DPP6: variants seen among roughly 807,000 people sequenced by gnomAD.
DPP6 encodes A-type potassium channel modulatory protein DPP6.
A neutral mutation model predicts 122.6 loss-of-function variants in DPP6; 69 were observed. The ratio of observed to expected loss-of-function variants is 0.56; its 90% CI spans 0.46 to 0.69. The LOEUF (loss-of-function observed/expected upper bound fraction) is 0.69, where lower values mean the gene tolerates loss of function less well. DPP6 is among the 30% of genes least tolerant of loss of function. The probability of loss-of-function intolerance (pLI) is 0.00; values close to 1 mark genes in which losing one functional copy is unlikely to be tolerated. For missense variants in DPP6, 928 were observed against 1,116.9 expected (o/e 0.83, Z 2.41); for synonymous variants, 418 against 433.1 (o/e 0.97, Z 0.43).
the DPP6 span, among the ~76,000 whole-genome samples, chr7:153,799,307 A>C: frequency 1.3e-5 from 2 of 152,342 alleles, no homozygotes; most frequent in South Asian, 2.1e-4. Flanking sequence ...TTATGGAACT[A>C]GTCAGCCATA....
intron 8 of DPP6, among the ~76,000 whole-genome samples, chr7:154,734,739 T>C (rs1842497229): frequency 6.6e-6 from 1 of 152,246 alleles, no homozygotes; most frequent in South Asian, 2.1e-4. Flanking sequence ...GTAGTGATGA[T>C]GCCTGTGTTT....
intron 1 of DPP6, among the ~76,000 whole-genome samples, chr7:154,385,033 C>T (rs1035448573): frequency 2.6e-5 from 4 of 151,966 alleles, no homozygotes; most frequent in Admixed American, 1.3e-4. Context: ...TGCAGTGGTG[C>T]GATCTCGGCT....
intron 4 of DPP6, among the ~76,000 whole-genome samples, chr7:154,561,942 G>A (rs771524008): frequency 7.2e-5 from 11 of 152,230 alleles, no homozygotes; most frequent in Non-Finnish European, 1.5e-4. Context: ...AATTGAATTC[G>A]TAGTTTAAAA....
chr7:154,157,216 G>T (rs1796729096), intron 1 of DPP6, among the ~76,000 whole-genome samples: 1 of 152,352 alleles, frequency 6.6e-6, no homozygotes, highest in South Asian at 2.1e-4. Flanking sequence ...TAAAATTTCA[G>T]AGCCAAGAGA....
chr7:153,919,169 G>A (rs1297668067), intron 1 of DPP6, among the ~76,000 whole-genome samples: 1 of 152,058 alleles, frequency 6.6e-6, no homozygotes. Flanking sequence ...TTTGTAATTG[G>A]TGAGAAAGCA....
intron 16 of DPP6, among the ~76,000 whole-genome samples, chr7:154,814,520 A>G (rs931665637): frequency 3.3e-5 from 5 of 152,196 alleles, no homozygotes; most frequent in Admixed American, 2.6e-4. Flanking sequence ...GGACAGGGGA[A>G]GGCTGGGTGG....
chr7:154,338,208 C>G (rs1809603159), intron 1 of DPP6, among the ~76,000 whole-genome samples: 1 of 152,144 alleles, frequency 6.6e-6, no homozygotes, highest in Admixed American at 6.5e-5. Flanking sequence ...GACTGTCACT[C>G]CAAATTGGAC....
At chr7:154,142,855 A>G (rs566013226) in intron 1 of DPP6, among the ~76,000 whole-genome samples, 1 of 140,798 alleles carries the variant, frequency 7.1e-6, no homozygotes, top group African/African-American at 2.7e-5. Context: ...GTTGTCTCTA[A>G]AAAGGATCTG....
chr7:153,848,854 T>A, the DPP6 span, among the ~76,000 whole-genome samples: 4 of 152,298 alleles, frequency 2.6e-5, no homozygotes, highest in South Asian at 2.1e-4. Context: ...GGCTCAGGAG[T>A]TTTGATAGTC....
the DPP6 span, among the ~76,000 whole-genome samples, chr7:153,857,816 C>A: frequency 6.6e-6 from 1 of 152,142 alleles, no homozygotes; most frequent in Non-Finnish European, 1.5e-5. Context: ...AGTGCTAAAA[C>A]CTCTTTAAGA....
At chr7:154,839,103 T>G (rs141802791) in intron 16 of DPP6, among the ~76,000 whole-genome samples, 1 of 152,108 alleles carries the variant, frequency 6.6e-6, no homozygotes, top group African/African-American at 2.4e-5. Flanking sequence ...GAAATACAGA[T>G]AAGAATGCAA....
chr7:153,916,845 T>C (rs1800349976), intron 1 of DPP6, among the ~76,000 whole-genome samples: 1 of 152,244 alleles, frequency 6.6e-6, no homozygotes, highest in Non-Finnish European at 1.5e-5. Flanking sequence ...TGTGTGTATT[T>C]TAAAGAAGAA....
intron 5 of DPP6, among the ~76,000 whole-genome samples, chr7:154,637,145 T>C (rs991597836): frequency 2.0e-5 from 3 of 152,166 alleles, no homozygotes; most frequent in Non-Finnish European, 2.9e-5. Flanking sequence ...GATTGTGGAG[T>C]CATTTCCTGG....
At chr7:154,365,922 C>T (rs533969403) in intron 1 of DPP6, among the ~76,000 whole-genome samples, 11 of 139,938 alleles carry the variant, frequency 7.9e-5, no homozygotes, top group Admixed American at 3.9e-4. Context: ...CGCGCCACTG[C>T]GTTCCAGCCT....
intron 1 of DPP6, among the ~76,000 whole-genome samples, chr7:154,036,802 G>A (rs1352825809): frequency 6.6e-6 from 1 of 152,140 alleles, no homozygotes; most frequent in Non-Finnish European, 1.5e-5. Flanking sequence ...TATAGGAAGA[G>A]GGAAGGGGGA....
At chr7:154,043,214 C>T (rs6944903) in intron 1 of DPP6, among the ~76,000 whole-genome samples, 48,147 of 151,352 alleles carry the variant, frequency 0.32, 8,092 homozygotes, top group Middle Eastern at 0.41. Flanking sequence ...ATCGTGAAAC[C>T]CCGTCTCTAC....
chr7:154,198,221 T>A (rs1304502770), intron 1 of DPP6, among the ~76,000 whole-genome samples: 1 of 152,196 alleles, frequency 6.6e-6, no homozygotes, highest in Non-Finnish European at 1.5e-5. Context: ...GCCTTGAGGC[T>A]TAGTCACCCT....
chr7:153,771,738 A>G, the DPP6 span, among the ~76,000 whole-genome samples: 1 of 152,138 alleles, frequency 6.6e-6, no homozygotes, highest in Non-Finnish European at 1.5e-5. Flanking sequence ...AGAAATAAAG[A>G]CTTTGTTAGA....
chr7:154,867,317 C>T (rs886942573), intron 17 of DPP6, among the ~76,000 whole-genome samples: 1 of 152,164 alleles, frequency 6.6e-6, no homozygotes, highest in Non-Finnish European at 1.5e-5. Flanking sequence ...AAATAGATAA[C>T]GAGGACGTGT....
Sources: gnomAD v4.1 joint callset for allele counts (sites outside exome capture counted in the v4.1 genomes callset) on GRCh38, gnomAD v4.1.1 for gene constraint, MANE v1.5 for transcripts, NCBI Gene and HGNC (gene_info 2026-07-23, HGNC 2026-07-21) for gene names.